FAM78B: variants seen among roughly 807,000 people sequenced by gnomAD.
FAM78B encodes the protein family with sequence similarity 78 member B, also known as protein FAM78B.
A neutral mutation model predicts 20.0 loss-of-function variants in FAM78B; 10 were observed. The observed-to-expected ratio is 0.50, with a 90% CI of 0.31 to 0.85. FAM78B has a LOEUF of 0.85. Ranked by LOEUF, FAM78B falls within the 40% of genes least tolerant of loss-of-function variation. The pLI is 0.05. For synonymous variants in FAM78B, 135 were observed against 132.8 expected, an observed-to-expected ratio of 1.02 and a Z score of -0.12; for missense variants, 283 against 345.0, an observed-to-expected ratio of 0.82 and a Z score of 1.42.
intron 1 of FAM78B, among the ~76,000 whole-genome samples, chr1:166,147,526 G>T (rs997509621): frequency 2.6e-5 from 4 of 152,182 alleles, no homozygotes; most frequent in African/African-American, 9.7e-5. Flanking sequence ...GTTTTTATGG[G>T]TCTACTGCGT....
chr1:166,122,982 A>G (rs543653431), intron 1 of FAM78B, among the ~76,000 whole-genome samples: 31 of 152,156 alleles, frequency 2.0e-4, no homozygotes, highest in Non-Finnish European at 3.8e-4. Context: ...GTATAAACAC[A>G]GCAGAGGGCA....
At position 166,166,821 on chromosome 1, in the gene FAM78B, A is replaced by T. The variant is rs946057515; in HGVS notation, c.-573T>A. On this transcript the variant is annotated 5_prime_UTR_variant, in exon 1 of 2. Coordinates refer to ENST00000354422, the MANE Select transcript of FAM78B (RefSeq NM_001017961.5). ...GGCCCAAGAGGCAGGCGGAGGCAGCAGCGGCGGCGGCGGCGACCGGAGCTC... is the reference window on the plus strand; with the variant it reads ...GGCCCAAGAGGCAGGCGGAGGCAGCTGCGGCGGCGGCGGCGACCGGAGCTC... 1 of 150,500 alleles carries T rather than the reference A, an allele frequency of 6.6e-6. No homozygotes were observed. Among genetic ancestry groups the T allele is most frequent in the Non-Finnish European group, 1.5e-5 (1 of 67,708 alleles). 9.3% of individuals were successfully genotyped at this position (150,500 alleles called of 1,614,324 possible). A position where few individuals can be genotyped will look rare whatever the true frequency, so the allele number is the denominator to read the frequency against.
intron 1 of FAM78B, among the ~76,000 whole-genome samples, chr1:166,088,423 C>CAGAA (rs1232859627): frequency 6.6e-6 from 1 of 152,148 alleles, no homozygotes; most frequent in East Asian, 1.9e-4. Context: ...CTGGGTGGGG[C>CAGAA]AGAAAGAGCA....
chr1:166,155,583 T>C (rs1368967455), intron 1 of FAM78B, among the ~76,000 whole-genome samples: 1 of 152,180 alleles, frequency 6.6e-6, no homozygotes, highest in African/African-American at 2.4e-5. Context: ...GTTCTGAACG[T>C]CAAGAAAATA....
chr1:166,114,892 T>C (rs1379063614), intron 1 of FAM78B, among the ~76,000 whole-genome samples: 1 of 152,214 alleles, frequency 6.6e-6, no homozygotes, highest in Non-Finnish European at 1.5e-5. Context: ...ATGTGTATCC[T>C]GGGGCCTCCT....
intron 1 of FAM78B, among the ~76,000 whole-genome samples, chr1:166,084,503 G>GGCGAGT (rs1652727099): frequency 6.6e-6 from 1 of 152,154 alleles, no homozygotes; most frequent in Non-Finnish European, 1.5e-5. Context: ...TTGTGCTGAT[G>GGCGAGT]GCGAGTGCAA....
chr1:166,075,608 T>C (rs999361574), intron 1 of FAM78B, among the ~76,000 whole-genome samples: 2 of 152,230 alleles, frequency 1.3e-5, no homozygotes, highest in African/African-American at 4.8e-5. Flanking sequence ...GTCTGGAGCA[T>C]GGTGTCTGGC....
downstream of FAM78B, among the ~76,000 whole-genome samples, chr1:166,065,765 A>G (rs1365428242): frequency 6.6e-6 from 1 of 152,184 alleles, no homozygotes; most frequent in Non-Finnish European, 1.5e-5. Flanking sequence ...AAAGAAATTA[A>G]TGGCAATAAG....
At chr1:166,163,191 A>G (rs1416436541) in intron 1 of FAM78B, among the ~76,000 whole-genome samples, 2 of 152,218 alleles carry the variant, frequency 1.3e-5, no homozygotes, top group Admixed American at 6.5e-5. Flanking sequence ...GACTTGCAGC[A>G]GTCTGTTCAA....
chr1:166,165,323 T>C (rs1450899448), intron 1 of FAM78B, among the ~76,000 whole-genome samples: 2 of 152,176 alleles, frequency 1.3e-5, no homozygotes, highest in African/African-American at 4.8e-5. Context: ...TCCGCCCTTC[T>C]TGGCCGGGAC....
intron 1 of FAM78B, among the ~76,000 whole-genome samples, chr1:166,097,982 A>T (rs776578491): frequency 1.3e-5 from 2 of 151,948 alleles, no homozygotes; most frequent in Non-Finnish European, 2.9e-5. Context: ...AGTCCACTAC[A>T]CCCCTTTGCC....
intron 1 of FAM78B, among the ~76,000 whole-genome samples, chr1:166,100,623 A>C (rs1177601593): frequency 1.3e-5 from 2 of 152,238 alleles, no homozygotes; most frequent in Non-Finnish European, 2.9e-5. Context: ...ATCAAACTGC[A>C]AGGTGGCAGC....
chr1:166,108,860 A>C (rs548041110), intron 1 of FAM78B, among the ~76,000 whole-genome samples: 1 of 152,316 alleles, frequency 6.6e-6, no homozygotes, highest in African/African-American at 2.4e-5. Context: ...AAATCCAAAT[A>C]CTTACAGCCA....
intron 1 of FAM78B, among the ~76,000 whole-genome samples, chr1:166,131,837 G>A (rs1053424870): frequency 2.6e-5 from 4 of 152,214 alleles, no homozygotes; most frequent in Non-Finnish European, 5.9e-5. Context: ...GGGCTGTCTA[G>A]GGGTGGGAGA....
chr1:166,078,956 G>C (rs6680043), intron 1 of FAM78B, among the ~76,000 whole-genome samples: 22,172 of 148,732 alleles, frequency 0.15, 2,160 homozygotes, highest in East Asian at 0.43. Flanking sequence ...TTTAGAGATG[G>C]GGTCTCACTC....
intron 1 of FAM78B, among the ~76,000 whole-genome samples, chr1:166,098,119 G>A (rs990843131): frequency 6.6e-6 from 1 of 152,162 alleles, no homozygotes; most frequent in African/African-American, 2.4e-5. Flanking sequence ...GCTAGACCCA[G>A]AAGAGAGACA....
intron 1 of FAM78B, among the ~76,000 whole-genome samples, chr1:166,083,517 T>G (rs1304408516): frequency 6.6e-6 from 1 of 152,236 alleles, no homozygotes; most frequent in African/African-American, 2.4e-5. Flanking sequence ...GTTTTTCCTT[T>G]TTTTTGAAAT....
intron 1 of FAM78B, among the ~76,000 whole-genome samples, chr1:166,091,534 A>G (rs1653074150): frequency 6.6e-6 from 1 of 152,110 alleles, no homozygotes; most frequent in Non-Finnish European, 1.5e-5. Flanking sequence ...GCCATATGGA[A>G]CTCTAAGTCC....
downstream of FAM78B, among the ~76,000 whole-genome samples, chr1:166,056,932 A>AT (rs1651368855): frequency 6.6e-6 from 1 of 152,210 alleles, no homozygotes; most frequent in South Asian, 2.1e-4. Flanking sequence ...TCATGAAGAC[A>AT]GACCTCTTGT....
Sources: gnomAD v4.1 joint callset for allele counts (sites outside exome capture counted in the v4.1 genomes callset) on GRCh38, gnomAD v4.1.1 for gene constraint, MANE v1.5 for transcripts, NCBI Gene and HGNC (gene_info 2026-07-23, HGNC 2026-07-21) for gene names.